Variants in PPFIA4 observed in about 807,000 individuals in gnomAD.
PPFIA4 encodes the protein PPFI scaffold protein A4, also known as liprin-alpha-4.
In PPFIA4, 98 loss-of-function variants were observed where a neutral mutation model predicts 145.7. That is an observed-to-expected ratio of 0.67 (90% CI 0.57 to 0.80). The LOEUF (loss-of-function observed/expected upper bound fraction) is 0.80, where lower values mean the gene tolerates loss of function less well. Among genes scored for constraint, PPFIA4 ranks in the 30% least tolerant of loss-of-function variants. PPFIA4 has a pLI of 0.00. For synonymous variants in PPFIA4, 628 were observed against 649.6 expected (o/e 0.97, Z 0.51); for missense variants, 1,457 against 1,632.7 (o/e 0.89, Z 1.85).
In PPFIA4 at chr1:203,075,948, C is replaced by T. The variant is rs1466407076; in HGVS notation, c.3574+191C>T. 4.9e-6 allele frequency: 3 copies of T among 616,440 alleles called. No individual in the cohort carries two copies. The highest frequency in any genetic ancestry group is 3.8e-5 in the Admixed American group (1 of 26,188). The allele number at this position is 616,440 out of a possible 1,614,324, so 38.2% of individuals were successfully genotyped here. On this transcript the variant is annotated intron_variant, in intron 29 of 29. Coordinates refer to ENST00000295706, the MANE Select transcript of PPFIA4 (RefSeq NM_001304331.2). This position sits in a 1 kb window ranked among gnomAD's most constrained non-coding sequence, Gnocchi z 4.1. The stretch of plus-strand genomic sequence containing the variant: ...ACCCGCCGCTCTGTGTGTTCTCCCG[C>T]GGCTGCCGACTTCTCCCAGCTGGGA...
intron 1 of PPFIA4, among the ~76,000 whole-genome samples, chr1:203,028,853 C>G (rs1224332418): frequency 6.6e-6 from 1 of 152,038 alleles, no homozygotes; most frequent in Non-Finnish European, 1.5e-5. Context: ...CATCTGTCCC[C>G]CTCTGGCCTG....
At chr1:203,049,113 T>G in intron 12 of PPFIA4, 133 bp downstream of exon 12, 2 of 850,140 alleles carry the variant, frequency 2.4e-6, no homozygotes, top group Non-Finnish European at 3.7e-6. Flanking sequence ...ACATACATTA[T>G]TCCGTGATTT....
rs554934671 is a variant in PPFIA4 at position 203,071,790 on chromosome 1, T to G, written c.3393+30T>G. On this transcript the variant is annotated intron_variant, in intron 28 of 29. Coordinates refer to ENST00000295706, the MANE Select transcript of PPFIA4 (RefSeq NM_001304331.2). ...GTACCTGGCCATGAATTAGGAGCCT[T>G]GGGGATTTGGTCATCTTCGTTGGAT... The G allele has an allele frequency of 5.1e-6, 8 of 1,572,080 alleles. No individual in the cohort carries two copies. In the South Asian group the frequency reaches 9.0e-5, roughly 18 times the overall value.
chr1:203,069,585 T>C (rs17508924), intron 27 of PPFIA4, among the ~76,000 whole-genome samples: 26,092 of 152,118 alleles, frequency 0.17, 2,405 homozygotes, highest in African/African-American at 0.21. Flanking sequence ...AGCTGTCAGA[T>C]CTCTTTTGAA....
intron 14 of PPFIA4, among the ~76,000 whole-genome samples, 174 bp downstream of exon 14, chr1:203,052,051 C>G (rs1001189096): frequency 7.3e-6 from 1 of 136,796 alleles, no homozygotes; most frequent in African/African-American, 2.9e-5. Flanking sequence ...CTGTGCCCCC[C>G]CCCCCGCTTG....
rs370375494 is a variant in PPFIA4 at position 203,060,425 on chromosome 1, G to T, written c.2784+8G>T. On this transcript the variant is annotated splice_region_variant and intron_variant, in intron 22 of 29. Transcript: ENST00000295706. The surrounding 1 kb of genome is among the most constrained non-coding windows in gnomAD (Gnocchi z 4.8). The stretch of plus-strand genomic sequence containing the variant: ...CCACCCACCTCCAGGACTGTGAGTG[G>T]CCCCTCCTTTGCCCAGGACATTTTC... 6.8e-5 allele frequency: 109 copies of T among 1,611,726 alleles called. No homozygotes were observed. The highest frequency in any genetic ancestry group is 8.7e-5 in the Non-Finnish European group (103 of 1,179,750).
rs1299820858 is a variant in PPFIA4, at chr1:203,060,073, G to A, written c.2584-144G>A. On this transcript the variant is annotated intron_variant, in intron 21 of 29. Coordinates refer to ENST00000295706, the MANE Select transcript of PPFIA4 (RefSeq NM_001304331.2). This position sits in a 1 kb window ranked among gnomAD's most constrained non-coding sequence, Gnocchi z 4.8. ...TTAATCTGTAAAATGGGAGAGTGAGGGGTTTGATGACCGCCACATTCCTAT... is the reference window on the plus strand; with the variant it reads ...TTAATCTGTAAAATGGGAGAGTGAGAGGTTTGATGACCGCCACATTCCTAT... The A allele has an allele frequency of 8.7e-6, 7 of 803,542 alleles. No homozygotes were observed. The highest frequency in any genetic ancestry group is 1.4e-5 in the Non-Finnish European group (7 of 494,636). 49.8% of individuals were successfully genotyped at this position (803,542 alleles called of 1,614,324 possible). A position where few individuals can be genotyped will look rare whatever the true frequency, so the allele number is the denominator to read the frequency against.
At position 203,068,711 on chromosome 1, in the gene PPFIA4, T is replaced by C. The variant is rs1661911296; in HGVS notation, c.3324+83T>C. 5.2e-6 allele frequency: 7 copies of C among 1,343,356 alleles called. No individual in the cohort carries two copies. The South Asian group carries it at 1.3e-4, about 24-fold the overall frequency. The allele number at this position is 1,343,356 out of a possible 1,614,324, so 83.2% of individuals were successfully genotyped here. On this transcript the variant is annotated intron_variant, in intron 27 of 29. Coordinates refer to ENST00000295706, the MANE Select transcript of PPFIA4 (RefSeq NM_001304331.2). This position sits in a 1 kb window ranked among gnomAD's most constrained non-coding sequence, Gnocchi z 4.7. Reference sequence around the variant, plus strand: ...CTTTCTTTCCCTCATACACAAAGGCTTAGGTATCTTGGGGGGTGGGGAGCT... The same window carrying C: ...CTTTCTTTCCCTCATACACAAAGGCCTAGGTATCTTGGGGGGTGGGGAGCT...
chr1:203,036,344 C>T (rs925533686), intron 1 of PPFIA4, among the ~76,000 whole-genome samples: 2 of 152,188 alleles, frequency 1.3e-5, no homozygotes, highest in Non-Finnish European at 2.9e-5. Context: ...GACTGTACCC[C>T]AGTCTCCTGA....
In PPFIA4 at chr1:203,078,682, GGT is replaced by G. The variant is rs1455089878; in HGVS notation, c.*2296_*2297del. The G allele has an allele frequency of 4.6e-5, 7 of 152,180 alleles. No individual in the cohort carries two copies. Among genetic ancestry groups the G allele is most frequent in the Non-Finnish European group, 8.8e-5 (6 of 67,960 alleles). 9.4% of individuals were successfully genotyped at this position (152,180 alleles called of 1,614,324 possible). Reference sequence around the variant, plus strand: ...ATGGGTGTATGGGTGTGTGTGGGTGGGTGTGAGTGTGGGTGTGTACGTACCAA... The same window carrying G: ...ATGGGTGTATGGGTGTGTGTGGGTGGGTGAGTGTGGGTGTGTACGTACCAA... On this transcript the variant is annotated 3_prime_UTR_variant, in exon 30 of 30. Coordinates refer to ENST00000295706, the MANE Select transcript of PPFIA4 (RefSeq NM_001304331.2).
At chr1:203,073,061 A>G (rs1161270766) in intron 28 of PPFIA4, among the ~76,000 whole-genome samples, 1 of 152,152 alleles carries the variant, frequency 6.6e-6, no homozygotes, top group Non-Finnish European at 1.5e-5. Context: ...CTAATTTAGA[A>G]GCTATGTAGT....
At position 203,039,094 on chromosome 1, in the gene PPFIA4, T is replaced by A. The variant is rs766127558; in HGVS notation, c.86T>A (p.Leu29Gln). Reference protein sequence around the residue: ...GADADANFEQLMVNMLDEREK... With the variant: ...GADADANFEQQMVNMLDEREK... ...GATGCTGACGCCAACTTCGAGCAGC[T>A]GATGGTGAACATGCTGGACGAGCGG... The change falls in exon 2 of 30, where the codon CTG becomes CAG. Residue 29 changes from leucine to glutamine, a missense_variant. Coordinates refer to ENST00000295706, the MANE Select transcript of PPFIA4 (RefSeq NM_001304331.2). The A allele has an allele frequency of 1.0e-5, 16 of 1,607,786 alleles. No individual in the cohort carries two copies. The East Asian group carries it at 3.4e-4, about 34-fold the overall frequency.
chr1:203,053,824 G>T lies in PPFIA4; in HGVS notation c.1692G>T (p.Glu564Asp). ...AAGPAFDSDP[E>D]ISDVDEDEPG... ...GCCCTGCCTTTGACAGTGACCCTGA[G>T]ATCTCCGACGTGGATGAGGATGAGC... Residue 564 changes from glutamate to aspartate, a missense_variant, in exon 15 of 30, where the codon GAG becomes GAT. Around this residue, in one of 3 missense-constraint regions of PPFIA4, gnomAD observed 848 missense variants for 1,046.7 expected, o/e 0.81. Transcript: ENST00000295706. 6.4e-7 allele frequency: 1 copy of T among 1,553,596 alleles called. No homozygotes were observed. Among genetic ancestry groups the T allele is most frequent in the East Asian group, 2.4e-5 (1 of 41,096 alleles).
Position 203,071,778 on chromosome 1 carries a change from A to G in PPFIA4, c.3393+18A>G, listed in dbSNP as rs1662188641. The G allele has an allele frequency of 6.3e-7, 1 of 1,595,716 alleles. No individual in the cohort carries two copies. Among genetic ancestry groups the G allele is most frequent in the Non-Finnish European group, 8.6e-7 (1 of 1,164,986 alleles). On this transcript the variant is annotated intron_variant, in intron 28 of 29. Coordinates refer to ENST00000295706, the MANE Select transcript of PPFIA4 (RefSeq NM_001304331.2). Reference sequence around the variant, plus strand: ...TGGATGACGTGAGTACCTGGCCATGAATTAGGAGCCTTGGGGATTTGGTCA... The same window carrying G: ...TGGATGACGTGAGTACCTGGCCATGGATTAGGAGCCTTGGGGATTTGGTCA...
At chr1:203,070,139 C>A (rs904083547) in intron 27 of PPFIA4, among the ~76,000 whole-genome samples, 8 of 152,088 alleles carry the variant, frequency 5.3e-5, no homozygotes, top group Non-Finnish European at 1.0e-4. Context: ...CTAATGCATT[C>A]AGTTTTGGAG....
rs1267401027 is a variant in PPFIA4, at chr1:203,039,261, C to CG, written c.234+20dup. The CG allele has an allele frequency of 6.5e-7, 1 of 1,536,410 alleles. No individual in the cohort carries two copies. The highest frequency in any genetic ancestry group is 2.4e-5 in the East Asian group (1 of 41,548). On this transcript the variant is annotated intron_variant, in intron 2 of 29. Transcript: ENST00000295706. ...CCCCCAGGTAAGGCCCGAAGGCCTG[C>CG]GTCTCTCTTAACCCCTTTCCCTCCT...
intron 9 of PPFIA4, among the ~76,000 whole-genome samples, chr1:203,047,388 G>A (rs1384344775): frequency 6.6e-6 from 1 of 152,172 alleles, no homozygotes. Context: ...CACAGCAGAG[G>A]ATGTTATGTG....
chr1:203,076,198 G>GC (rs1349700316), intron 29 of PPFIA4, 143 bp from the exon 30 acceptor site: 6 of 897,220 alleles, frequency 6.7e-6, no homozygotes, highest in Non-Finnish European at 1.1e-5. Flanking sequence ...TGCCTGGCTT[G>GC]CCCCTTCCTG....
intron 20 of PPFIA4, 136 bp downstream of exon 20, chr1:203,059,407 C>T (rs1661207884): frequency 1.3e-6 from 1 of 759,772 alleles, no homozygotes; most frequent in African/African-American, 1.7e-5. Context: ...TGGTCTGGTC[C>T]ATGTGGGCAC....
Sources: allele counts gnomAD v4.1 joint callset (sites outside exome capture counted in the v4.1 genomes callset), GRCh38; gene constraint gnomAD v4.1.1; regional missense constraint gnomAD v4.1.1; non-coding constraint Gnocchi (gnomAD v3.1); transcripts MANE v1.5; gene names NCBI Gene and HGNC (gene_info 2026-07-23, HGNC 2026-07-21).